Variants in CSMD1 observed in about 807,000 individuals in gnomAD.
CSMD1 encodes CUB and sushi domain-containing protein 1.
Under a neutral mutation model 417.5 loss-of-function variants are expected in CSMD1, and 213 were observed. That is an observed-to-expected ratio of 0.51 (90% CI 0.46 to 0.57). CSMD1 has a LOEUF of 0.57. CSMD1 is among the 20% of genes least tolerant of loss of function. The pLI, the probability that CSMD1 is intolerant of heterozygous loss-of-function variation, is 0.00. For synonymous variants in CSMD1, 2,862 were observed against 1,736.8 expected, an observed-to-expected ratio of 1.65 and a Z score of -16.11; for missense variants, 6,923 against 4,529.7, an observed-to-expected ratio of 1.53 and a Z score of -15.17.
intron 1 of CSMD1, among the ~76,000 whole-genome samples, chr8:4,900,670 A>T (rs1012918498): frequency 1.3e-5 from 2 of 152,146 alleles, no homozygotes; most frequent in African/African-American, 2.4e-5. Flanking sequence ...TCTGCTGTCC[A>T]AGGAGATTTG....
intron 15 of CSMD1, among the ~76,000 whole-genome samples, chr8:3,400,331 A>G (rs538225220): frequency 6.6e-6 from 1 of 152,180 alleles, no homozygotes; most frequent in African/African-American, 2.4e-5. Context: ...GGATTTATAG[A>G]TATCAAATAA....
At chr8:4,181,957 C>CGTTT (rs1798401088) in intron 3 of CSMD1, among the ~76,000 whole-genome samples, 1 of 150,022 alleles carries the variant, frequency 6.7e-6, no homozygotes, top group African/African-American at 2.5e-5. Flanking sequence ...TCTGTGTCTG[C>CGTTT]GTGTGTGTGT....
At chr8:3,889,947 C>T (rs1283685723) in intron 5 of CSMD1, among the ~76,000 whole-genome samples, 1 of 152,166 alleles carries the variant, frequency 6.6e-6, no homozygotes, top group South Asian at 2.1e-4. Flanking sequence ...GGTTGGATGG[C>T]TGAGGTGGGA....
intron 18 of CSMD1, among the ~76,000 whole-genome samples, chr8:3,380,364 T>A (rs975585359): frequency 2.0e-5 from 3 of 152,146 alleles, no homozygotes; most frequent in African/African-American, 7.2e-5. Context: ...AGAAATACCA[T>A]TTGACTCAGA....
intron 2 of CSMD1, among the ~76,000 whole-genome samples, chr8:4,573,861 C>T (rs1218964888): frequency 6.6e-6 from 1 of 152,176 alleles, no homozygotes; most frequent in South Asian, 2.1e-4. Flanking sequence ...GCTACAGTGG[C>T]TTTGCCGTGC....
At chr8:4,421,478 G>A (rs772640464) in intron 2 of CSMD1, among the ~76,000 whole-genome samples, 7 of 152,072 alleles carry the variant, frequency 4.6e-5, no homozygotes, top group Non-Finnish European at 1.0e-4. Flanking sequence ...AAATCATATA[G>A]CGTGTGTTCT....
chr8:3,218,554 C>A (rs1297018969), intron 29 of CSMD1, among the ~76,000 whole-genome samples: 2 of 115,426 alleles, frequency 1.7e-5, no homozygotes, highest in Non-Finnish European at 1.8e-5. Flanking sequence ...GAGCAAGACT[C>A]CATCTCAAAA....
chr8:4,426,163 G>T (rs1173872092), intron 2 of CSMD1, among the ~76,000 whole-genome samples: 1 of 151,808 alleles, frequency 6.6e-6, no homozygotes, highest in Non-Finnish European at 1.5e-5. Flanking sequence ...ATATACAGAG[G>T]CTAGGTAATC....
In CSMD1 at chr8:4,023,664, G is replaced by A. The variant is rs375985411; in HGVS notation, c.610+8241C>T. Reference sequence around the variant, plus strand: ...TGCAGTGGCGCGATCTCGGCTCACTGCAAGCTCCGCCTCCAGGGTTCACGC... The same window carrying A: ...TGCAGTGGCGCGATCTCGGCTCACTACAAGCTCCGCCTCCAGGGTTCACGC... On this transcript the variant is annotated intron_variant, in intron 4 of 69. Coordinates refer to ENST00000635120, the MANE Select transcript of CSMD1 (RefSeq NM_033225.6). Among the ~76,000 whole-genome samples the A allele has an allele frequency of 2.5e-3, 360 of 146,772 alleles. 1 individual carries two copies. Among genetic ancestry groups the A allele is most frequent in the African/African-American group, 8.7e-3 (344 of 39,414 alleles).
At chr8:3,819,462 C>T (rs537255858) in intron 5 of CSMD1, among the ~76,000 whole-genome samples, 4 of 152,094 alleles carry the variant, frequency 2.6e-5, no homozygotes, top group Admixed American at 2.6e-4. Flanking sequence ...TCCAACTTCA[C>T]CTTCAATCGT....
At chr8:4,031,572 G>C (rs530647002) in intron 4 of CSMD1, among the ~76,000 whole-genome samples, 57 of 152,156 alleles carry the variant, frequency 3.7e-4, no homozygotes, top group Non-Finnish European at 6.6e-4. Flanking sequence ...GGTGAGGACA[G>C]AGCTAAATCA....
At chr8:3,166,499 A>G (rs1332263272) in intron 37 of CSMD1, among the ~76,000 whole-genome samples, 5 of 152,112 alleles carry the variant, frequency 3.3e-5, no homozygotes, top group Admixed American at 3.3e-4. Flanking sequence ...ACACCACTGC[A>G]CTCCAGCCTG....
rs1427123976 is a variant in CSMD1 at position 3,795,308 on chromosome 8, C to G, written c.819-41266G>C. On this transcript the variant is annotated intron_variant, in intron 5 of 69. Coordinates refer to ENST00000635120, the MANE Select transcript of CSMD1 (RefSeq NM_033225.6). ...ATATATCATGTACAGATATATATAT[C>G]TATCATGTACAGATATAGATATCTA... 3.2e-5 allele frequency among the ~76,000 whole-genome samples: 2 copies of G among 62,774 alleles called. 1 individual carries two copies. Among genetic ancestry groups the G allele is most frequent in the Non-Finnish European group, 5.9e-5 (2 of 34,146 alleles). 41.2% of individuals were successfully genotyped at this position (62,774 alleles called of 152,430 possible). A position where few individuals can be genotyped will look rare whatever the true frequency, so the allele number is the denominator to read the frequency against.
chr8:4,792,570 G>A (rs547372188), intron 1 of CSMD1, among the ~76,000 whole-genome samples: 1 of 152,282 alleles, frequency 6.6e-6, no homozygotes, highest in East Asian at 1.9e-4. Flanking sequence ...CTCAACAGTT[G>A]TCAGCACGTC....
chr8:4,073,765 A>G (rs1162597083), intron 3 of CSMD1, among the ~76,000 whole-genome samples: 1 of 152,160 alleles, frequency 6.6e-6, no homozygotes, highest in East Asian at 1.9e-4. Context: ...TACACTTGAA[A>G]ATGAACCCAA....
intron 5 of CSMD1, among the ~76,000 whole-genome samples, chr8:3,805,373 A>C (rs1249633956): frequency 1.3e-5 from 2 of 152,128 alleles, no homozygotes; most frequent in Non-Finnish European, 2.9e-5. Flanking sequence ...GAGAGGAGCC[A>C]CAAGTTACCC....
rs570911013 is a variant in CSMD1 at position 3,971,453 on chromosome 8, C to G, written c.818+26450G>C. Among the ~76,000 whole-genome samples, 174 of 152,200 alleles carry G rather than the reference C, an allele frequency of 1.1e-3. 1 individual carries two copies. The highest frequency in any genetic ancestry group is 1.4e-3 in the Non-Finnish European group (94 of 68,028). ...CCTCTCTATAAGCTTTGGGATTCGACTAATGCAATTGCAAGTTGACAACTT... is the reference window on the plus strand; with the variant it reads ...CCTCTCTATAAGCTTTGGGATTCGAGTAATGCAATTGCAAGTTGACAACTT... On this transcript the variant is annotated intron_variant, in intron 5 of 69. Coordinates refer to ENST00000635120, the MANE Select transcript of CSMD1 (RefSeq NM_033225.6).
intron 2 of CSMD1, among the ~76,000 whole-genome samples, chr8:4,469,635 G>C (rs550318927): frequency 1.3e-5 from 2 of 152,188 alleles, no homozygotes; most frequent in African/African-American, 2.4e-5. Context: ...ATGTAGCTTA[G>C]AGGCCAGTGT....
intron 7 of CSMD1, among the ~76,000 whole-genome samples, chr8:3,653,074 T>C (rs1475078928): frequency 6.6e-6 from 1 of 152,136 alleles, no homozygotes; most frequent in Non-Finnish European, 1.5e-5. Context: ...CAGTAAAGAC[T>C]CATTCATCAA....
Sources: allele counts gnomAD v4.1 joint callset (sites outside exome capture counted in the v4.1 genomes callset), GRCh38; gene constraint gnomAD v4.1.1; transcripts MANE v1.5; gene names NCBI Gene and HGNC (gene_info 2026-07-23, HGNC 2026-07-21).